Variants in IGFBP2 observed in about 807,000 individuals in gnomAD.
The protein encoded by IGFBP2 is insulin like growth factor binding protein 2.
In IGFBP2, 12 loss-of-function variants were observed where a neutral mutation model predicts 26.2. That is an observed-to-expected ratio of 0.46 (90% CI 0.29 to 0.74). IGFBP2 has a LOEUF of 0.74. IGFBP2 is among the 30% of genes least tolerant of loss of function. The pLI, the probability that IGFBP2 is intolerant of heterozygous loss-of-function variation, is 0.09. For synonymous variants in IGFBP2, 189 were observed against 200.6 expected, an observed-to-expected ratio of 0.94 and a Z score of 0.49; for missense variants, 328 against 441.2, an observed-to-expected ratio of 0.74 and a Z score of 2.30.
chr2:216,647,682 G>T (rs1167913754), intron 1 of IGFBP2, among the ~76,000 whole-genome samples: 2 of 152,020 alleles, frequency 1.3e-5, no homozygotes, highest in African/African-American at 4.8e-5. Context: ...ACCACGCCTG[G>T]CTAATTTTTT....
Position 216,633,700 on chromosome 2 carries a change from G to C in IGFBP2, c.177G>C (p.Ala59=). Residue 59 remains alanine, a synonymous_variant, in exon 1 of 4, where the codon GCG becomes GCC. Coordinates refer to ENST00000233809, the MANE Select transcript of IGFBP2 (RefSeq NM_000597.3). ...RLAACGPPPV[A]PPAAVAAVAG... ...CCGCCTGCGGGCCCCCGCCGGTTGCGCCGCCCGCCGCGGTGGCCGCAGTGG... is the reference window on the plus strand; with the variant it reads ...CCGCCTGCGGGCCCCCGCCGGTTGCCCCGCCCGCCGCGGTGGCCGCAGTGG... The C allele has an allele frequency of 8.5e-7, 1 of 1,180,950 alleles. No individual in the cohort carries two copies. Among genetic ancestry groups the C allele is most frequent in the Non-Finnish European group, 1.0e-6 (1 of 956,960 alleles). The allele number at this position is 1,180,950 out of a possible 1,614,324, so 73.2% of individuals were successfully genotyped here.
intron 1 of IGFBP2, among the ~76,000 whole-genome samples, chr2:216,640,559 T>C (rs1256311482): frequency 6.6e-6 from 1 of 152,204 alleles, no homozygotes; most frequent in Non-Finnish European, 1.5e-5. Flanking sequence ...CTTCTGTGCC[T>C]GCTTTGTCTC....
At chr2:216,639,817 A>G (rs1398725652) in intron 1 of IGFBP2, among the ~76,000 whole-genome samples, 1 of 151,650 alleles carries the variant, frequency 6.6e-6, no homozygotes, top group Non-Finnish European at 1.5e-5. Flanking sequence ...TAATTTTTGT[A>G]TTTTTAGTAG....
intron 1 of IGFBP2, among the ~76,000 whole-genome samples, chr2:216,641,040 C>T (rs1447292174): frequency 6.6e-6 from 1 of 152,152 alleles, no homozygotes; most frequent in Non-Finnish European, 1.5e-5. Flanking sequence ...CATTGCAACC[C>T]TGTCTCTTAA....
intron 1 of IGFBP2, among the ~76,000 whole-genome samples, chr2:216,657,144 A>C (rs931591042): frequency 4.6e-5 from 7 of 151,682 alleles, no homozygotes; most frequent in Admixed American, 3.9e-4. Flanking sequence ...GAGTGGGGAG[A>C]CTTTCTAGCT....
rs552744508 is a variant in IGFBP2, at chr2:216,638,330, C to A, written c.442+4365C>A. On this transcript the variant is annotated intron_variant, in intron 1 of 3. Coordinates refer to ENST00000233809, the MANE Select transcript of IGFBP2 (RefSeq NM_000597.3). The stretch of plus-strand genomic sequence containing the variant: ...GACCAGCCTGGCTAACATAGTGAAA[C>A]CCCATCTCTACTAAAAATGCAAAAA... 4.6e-5 allele frequency among the ~76,000 whole-genome samples: 7 copies of A among 151,868 alleles called. No individual in the cohort carries two copies. The South Asian group carries it at 1.5e-3, about 32-fold the overall frequency.
intron 1 of IGFBP2, among the ~76,000 whole-genome samples, chr2:216,647,160 C>T (rs1221890973): frequency 6.6e-6 from 1 of 152,042 alleles, no homozygotes; most frequent in African/African-American, 2.4e-5. Flanking sequence ...TAATGAAGTC[C>T]CTTCATGGTA....
At chr2:216,660,454 G>A (rs568076255) in intron 1 of IGFBP2, 103 bp from the exon 2 acceptor site, 70 of 795,888 alleles carry the variant, frequency 8.8e-5, no homozygotes, top group Non-Finnish European at 1.1e-4. Flanking sequence ...TTAGCCGCGC[G>A]TCATCTCCAC....
chr2:216,650,940 A>G (rs1697807811), intron 1 of IGFBP2, among the ~76,000 whole-genome samples: 1 of 152,156 alleles, frequency 6.6e-6, no homozygotes, highest in Admixed American at 6.5e-5. Context: ...TTTACAATGA[A>G]TGAAGCTGGG....
At chr2:216,663,874 G>C in intron 3 of IGFBP2, 66 bp from the exon 4 acceptor site, 2 of 1,544,908 alleles carry the variant, frequency 1.3e-6, no homozygotes, top group Non-Finnish European at 1.8e-6. Flanking sequence ...AGTGGACGCC[G>C]GGTTGAGGGA....
intron 2 of IGFBP2, chr2:216,661,499 G>C (rs1003764866): frequency 5.3e-6 from 2 of 380,652 alleles, no homozygotes; most frequent in Admixed American, 3.7e-5. Flanking sequence ...GCCCTGGTTG[G>C]TTTTATGGAA....
intron 1 of IGFBP2, among the ~76,000 whole-genome samples, chr2:216,659,152 C>T (rs1697979903): frequency 6.6e-6 from 1 of 152,182 alleles, no homozygotes; most frequent in Non-Finnish European, 1.5e-5. Flanking sequence ...GGACAGACCC[C>T]CATCAAATGT....
chr2:216,639,325 C>T (rs1022991081), intron 1 of IGFBP2, among the ~76,000 whole-genome samples: 39 of 151,852 alleles, frequency 2.6e-4, no homozygotes, highest in African/African-American at 8.0e-4. Context: ...CATGAGCTAC[C>T]GCACCTGGCC....
chr2:216,655,902 C>CAAA (rs200162837), intron 1 of IGFBP2, among the ~76,000 whole-genome samples: 2 of 126,872 alleles, frequency 1.6e-5, no homozygotes, highest in African/African-American at 5.7e-5. Flanking sequence ...CTCAAAAAAA[C>CAAA]AAAAAAAAAA....
intron 1 of IGFBP2, among the ~76,000 whole-genome samples, chr2:216,636,823 G>T (rs1166789558): frequency 1.3e-5 from 2 of 152,118 alleles, no homozygotes; most frequent in African/African-American, 4.8e-5. Flanking sequence ...ATGCTGAGGG[G>T]CGGGGCCGCC....
rs149994964 is a variant in IGFBP2, at chr2:216,638,942, C to T, written c.442+4977C>T. ...GTCTCGATCTCCTGACCTCATGATC[C>T]GCCCACCTCGGCCTCCCAAAGTGCT... On this transcript the variant is annotated intron_variant, in intron 1 of 3. Coordinates refer to ENST00000233809, the MANE Select transcript of IGFBP2 (RefSeq NM_000597.3). Among the ~76,000 whole-genome samples the T allele has an allele frequency of 4.7e-4, 72 of 151,784 alleles. 1 individual carries two copies. In the East Asian group the frequency reaches 0.01, roughly 22 times the overall value.
chr2:216,661,859 C>T lies in IGFBP2; in HGVS notation c.674C>T (p.Thr225Ile). The change falls in exon 3 of 4, where the codon ACT becomes ATT. Residue 225 changes from threonine to isoleucine, a missense_variant and splice_region_variant. By Grantham distance (89) the Thr-to-Ile change is moderately conservative (BLOSUM62 -1). Transcript: ENST00000233809. The part of the protein sequence containing the change: ...PKKLRPPPAR[T>I]PCQQELDQVL... ...GTCCCCTGCTGTCTGTGCGTGCAGA[C>T]TCCCTGCCAACAGGAACTGGACCAG... is the stretch of plus-strand genomic sequence containing the variant. The T allele has an allele frequency of 6.2e-7, 1 of 1,614,186 alleles. No individual in the cohort carries two copies. Among genetic ancestry groups the T allele is most frequent in the Non-Finnish European group, 8.5e-7 (1 of 1,180,030 alleles).
intron 1 of IGFBP2, among the ~76,000 whole-genome samples, chr2:216,649,845 G>A (rs911387308): frequency 1.3e-4 from 20 of 152,242 alleles, no homozygotes; most frequent in African/African-American, 3.9e-4. Flanking sequence ...CTGTTCACTC[G>A]GGGGGAGCCC....
At chr2:216,647,805 C>T (rs188080328) in intron 1 of IGFBP2, among the ~76,000 whole-genome samples, 3 of 152,282 alleles carry the variant, frequency 2.0e-5, no homozygotes, top group Admixed American at 2.0e-4. Flanking sequence ...CAGGGGTGAG[C>T]CACTGCGCCC....
Sources: allele counts gnomAD v4.1 joint callset (sites outside exome capture counted in the v4.1 genomes callset), GRCh38; gene constraint gnomAD v4.1.1; transcripts MANE v1.5; gene names NCBI Gene and HGNC (gene_info 2026-07-23, HGNC 2026-07-21).